ARHGEF18: variants seen among roughly 807,000 people sequenced by gnomAD.
ARHGEF18 encodes rho guanine nucleotide exchange factor 18.
Under a neutral mutation model 155.7 loss-of-function variants are expected in ARHGEF18, and 93 were observed. That is an observed-to-expected ratio of 0.60 (90% CI 0.50 to 0.71). The LOEUF is 0.71. Among genes scored for constraint, ARHGEF18 ranks in the 30% least tolerant of loss-of-function variants. The pLI, the probability that ARHGEF18 is intolerant of heterozygous loss-of-function variation, is 0.00. For missense variants in ARHGEF18, 1,593 were observed against 1,816.1 expected (o/e 0.88, Z 2.23); for synonymous variants, 742 against 753.1 (o/e 0.99, Z 0.24).
rs1397661434 is a variant in ARHGEF18, at chr19:7,395,411, G to C, written c.967+12208G>C. On this transcript the variant is annotated intron_variant, in intron 10 of 28. Coordinates refer to ENST00000668164, the MANE Select transcript of ARHGEF18 (RefSeq NM_001367823.1). This position sits in a 1 kb window ranked among gnomAD's most constrained non-coding sequence, Gnocchi z 5.0. ...CAGGCGAACGGGTGCTGGGGTGCAG[G>C]CTGCTCCTTCAATGCATGGAGGCTC... 6.6e-6 allele frequency among the ~76,000 whole-genome samples: 1 copy of C among 152,024 alleles called. No individual in the cohort carries two copies. The highest frequency in any genetic ancestry group is 2.4e-5 in the African/African-American group (1 of 41,448).
chr19:7,394,694 G>A (rs1489972030), intron 10 of ARHGEF18, among the ~76,000 whole-genome samples: 1 of 143,904 alleles, frequency 6.9e-6, no homozygotes, highest in African/African-American at 2.6e-5. Context: ...TACCCCCCTT[G>A]AGATTCTCCA....
In ARHGEF18 at chr19:7,447,094, A is replaced by G. The variant is rs1975046183; in HGVS notation, c.1663A>G (p.Ser555Gly). The G allele has an allele frequency of 2.5e-6, 4 of 1,613,874 alleles. No individual in the cohort carries two copies. Among genetic ancestry groups the G allele is most frequent in the Non-Finnish European group, 3.4e-6 (4 of 1,179,906 alleles). The change falls in exon 15 of 29, where the codon AGT becomes GGT. Residue 555 changes from serine (S) to glycine (G), a missense_variant. By Grantham distance (56) the Ser-to-Gly change is moderately conservative (BLOSUM62 0). Coordinates refer to ENST00000668164, the MANE Select transcript of ARHGEF18 (RefSeq NM_001367823.1). ...RMKEKYGVFC[S>G]GHNEAVSHYK... The stretch of plus-strand genomic sequence containing the variant: ...GAAAGAAAAGTACGGTGTGTTTTGT[A>G]GTGGCCACAATGAAGCTGTTAGTCA...
At chr19:7,449,830 A>C (rs1163472710) in intron 15 of ARHGEF18, among the ~76,000 whole-genome samples, 1 of 152,072 alleles carries the variant, frequency 6.6e-6, no homozygotes, top group African/African-American at 2.4e-5. Flanking sequence ...GGAGTGTGCC[A>C]CCATGCCCAG....
At chr19:7,373,459 GT>G (rs1352283681) in intron 3 of ARHGEF18, among the ~76,000 whole-genome samples, 2 of 113,628 alleles carry the variant, frequency 1.8e-5, no homozygotes, top group Non-Finnish European at 3.4e-5. Context: ...TTGTTTTTGT[GT>G]TTGTTTTTTT....
chr19:7,450,414 G>A (rs1033661522), intron 15 of ARHGEF18, among the ~76,000 whole-genome samples: 1 of 150,672 alleles, frequency 6.6e-6, no homozygotes, highest in Non-Finnish European at 1.5e-5. Flanking sequence ...TTTCCAAGAT[G>A]TTAATGCGGG....
rs184354147 is a variant in ARHGEF18 at position 7,392,894 on chromosome 19, A to G, written c.967+9691A>G. On this transcript the variant is annotated intron_variant, in intron 10 of 28. Transcript: ENST00000668164. ...CATGGCGAAACTCTGTCTCTACAAA[A>G]AAATTAGCCAGACGTGGTGGTGTGT... Among the ~76,000 whole-genome samples, 20 of 151,028 alleles carry G rather than the reference A, an allele frequency of 1.3e-4. No homozygotes were observed. In the East Asian group the frequency reaches 3.9e-3, roughly 29 times the overall value.
intron 11 of ARHGEF18, among the ~76,000 whole-genome samples, chr19:7,441,093 A>G (rs1974612432): frequency 6.6e-6 from 1 of 151,692 alleles, no homozygotes; most frequent in African/African-American, 2.4e-5. Context: ...ACACCCCGTT[A>G]GAACGTAACT....
chr19:7,440,436 G>T lies in ARHGEF18; in HGVS notation c.1060G>T (p.Gly354Cys). 1.9e-6 allele frequency: 3 copies of T among 1,602,110 alleles called. No homozygotes were observed. The highest frequency in any genetic ancestry group is 1.7e-4 in the Middle Eastern group (1 of 6,056). The change falls in exon 11 of 29, where the codon GGT becomes TGT. Residue 354 changes from glycine (G) to cysteine (C), a missense_variant. Coordinates refer to ENST00000668164, the MANE Select transcript of ARHGEF18 (RefSeq NM_001367823.1). The surrounding 1 kb of genome is among the most constrained non-coding windows in gnomAD (Gnocchi z 5.4). ...NVGMTVSQKGGPQPTPSPAGP... is the reference protein window; with the variant it reads ...NVGMTVSQKGCPQPTPSPAGP... Reference sequence around the variant, plus strand: ...CGGTATGACGGTCTCTCAGAAAGGGGGTCCCCAGCCAACACCGAGCCCGGC... The same window carrying T: ...CGGTATGACGGTCTCTCAGAAAGGGTGTCCCCAGCCAACACCGAGCCCGGC...
chr19:7,443,354 C>T (rs1433732099), intron 13 of ARHGEF18, among the ~76,000 whole-genome samples: 1 of 152,156 alleles, frequency 6.6e-6, no homozygotes, highest in African/African-American at 2.4e-5. Context: ...CATGCCCGGC[C>T]ATGCCCGGCT....
Position 7,470,286 on chromosome 19 carries a change from C to T in ARHGEF18, c.4074C>T (p.Val1358=), listed in dbSNP as rs1213441952. 6.5e-7 allele frequency: 1 copy of T among 1,537,724 alleles called. No individual in the cohort carries two copies. Among genetic ancestry groups the T allele is most frequent in the Non-Finnish European group, 8.7e-7 (1 of 1,144,226 alleles). Residue 1358 remains valine, a synonymous_variant, in exon 29 of 29, where the codon GTC becomes GTT. Transcript: ENST00000668164. The surrounding 1 kb of genome is among the most constrained non-coding windows in gnomAD (Gnocchi z 5.9). ...SAKEDASKED[V]IFF ...AGGAGGACGCCAGCAAAGAAGACGT[C>T]ATCTTCTTCTAAAAGGGCCGTGACT...
chr19:7,426,486 C>CA (rs760020542), intron 10 of ARHGEF18, among the ~76,000 whole-genome samples: 7,258 of 100,544 alleles, frequency 0.072, 356 homozygotes, highest in East Asian at 0.26. Context: ...GACTCTGTCT[C>CA]AAAAAAAAAA....
rs112410710 is a variant in ARHGEF18, at chr19:7,401,944, C to T, written c.967+18741C>T. On this transcript the variant is annotated intron_variant, in intron 10 of 28. Coordinates refer to ENST00000668164, the MANE Select transcript of ARHGEF18 (RefSeq NM_001367823.1). ...GAGATGGACCTGGAAAAAACTTGCTCAGTGGAAGAAGCCAGTCCCCAAAGG... is the reference window on the plus strand; with the variant it reads ...GAGATGGACCTGGAAAAAACTTGCTTAGTGGAAGAAGCCAGTCCCCAAAGG... 5.8e-3 allele frequency among the ~76,000 whole-genome samples: 889 copies of T among 152,270 alleles called. 8 individuals are homozygous for T. The highest frequency in any genetic ancestry group is 0.019 in the African/African-American group (803 of 41,544).
downstream of ARHGEF18, chr19:7,477,275 C>T: frequency 2.5e-6 from 4 of 1,584,218 alleles, no homozygotes; most frequent in Non-Finnish European, 3.4e-6. Flanking sequence ...GGAGATGGTG[C>T]CCATGAGGCC....
intron 6 of ARHGEF18, among the ~76,000 whole-genome samples, chr19:7,378,837 C>T (rs1347417097): frequency 5.3e-5 from 8 of 151,794 alleles, no homozygotes; most frequent in African/African-American, 9.7e-5. Flanking sequence ...GGACTACAGG[C>T]GCCCGCCACC....
intron 2 of ARHGEF18, 71 bp from the exon 3 acceptor site, chr19:7,372,741 T>C (rs1282359453): frequency 8.2e-7 from 1 of 1,226,576 alleles, no homozygotes; most frequent in Admixed American, 4.2e-5. Flanking sequence ...GACCTTGTGG[T>C]CAAGAGACCC....
At chr19:7,477,277 C>A, downstream of ARHGEF18, 1 of 1,585,314 alleles carries the variant, frequency 6.3e-7, no homozygotes, top group Non-Finnish European at 8.6e-7. Flanking sequence ...AGATGGTGCC[C>A]ATGAGGCCCA....
chr19:7,393,685 G>A (rs1971529312), intron 10 of ARHGEF18, among the ~76,000 whole-genome samples: 1 of 151,774 alleles, frequency 6.6e-6, no homozygotes, highest in African/African-American at 2.4e-5. Flanking sequence ...GAAGCATCTG[G>A]CCTATCCACA....
Position 7,460,290 on chromosome 19 carries a change from G to T in ARHGEF18, c.2452+296G>T, listed in dbSNP as rs145293339. Among the ~76,000 whole-genome samples, 213 of 152,080 alleles carry T rather than the reference G, an allele frequency of 1.4e-3. 1 individual carries two copies. The highest frequency in any genetic ancestry group is 4.8e-3 in the African/African-American group (201 of 41,494). ...CACACGCCACCACCACCCCATCCTCGTGCAGCCAGGAGCTCAACAGGGCAT... is the reference window on the plus strand; with the variant it reads ...CACACGCCACCACCACCCCATCCTCTTGCAGCCAGGAGCTCAACAGGGCAT... On this transcript the variant is annotated intron_variant, in intron 20 of 28. Coordinates refer to ENST00000668164, the MANE Select transcript of ARHGEF18 (RefSeq NM_001367823.1).
chr19:7,436,867 T>A (rs1974293018), intron 10 of ARHGEF18, among the ~76,000 whole-genome samples: 1 of 152,188 alleles, frequency 6.6e-6, no homozygotes, highest in Non-Finnish European at 1.5e-5. Context: ...GTGAGTGACA[T>A]CTTCAATTGC....
Sources: allele counts gnomAD v4.1 joint callset (sites outside exome capture counted in the v4.1 genomes callset), GRCh38; gene constraint gnomAD v4.1.1; non-coding constraint Gnocchi (gnomAD v3.1); transcripts MANE v1.5; gene names NCBI Gene and HGNC (gene_info 2026-07-23, HGNC 2026-07-21).